The following COL11A1 variants were observed in gnomAD, a reference collection of about 807,000 sequenced individuals.
COL11A1 encodes the protein collagen alpha-1(XI) chain.
Under a neutral mutation model 265.2 loss-of-function variants are expected in COL11A1, and 74 were observed. That is an observed-to-expected ratio of 0.28 (90% confidence interval 0.23 to 0.34). The LOEUF (loss-of-function observed/expected upper bound fraction) is 0.34, where lower values mean the gene tolerates loss of function less well. Ranked by LOEUF, COL11A1 falls within the 10% of genes least tolerant of loss-of-function variation. The pLI is 1.00. For synonymous variants in COL11A1, 816 were observed against 727.6 expected (o/e 1.12, Z -1.96); for missense variants, 2,165 against 2,263.6 (o/e 0.96, Z 0.88).
At chr1:103,083,031 A>G in intron 1 of COL11A1, 59 bp from the exon 2 acceptor site, 1 of 1,505,030 alleles carries the variant, frequency 6.6e-7, no homozygotes, top group Non-Finnish European at 9.2e-7. Context: ...TATAACAATG[A>G]GTATTTTTAA....
At chr1:103,043,092 GAAAT>G (rs1023320693) in intron 4 of COL11A1, among the ~76,000 whole-genome samples, 47 of 143,164 alleles carry the variant, frequency 3.3e-4, no homozygotes, top group Admixed American at 3.1e-3. Flanking sequence ...TCATATATAT[GAAAT>G]ATATATAATG....
chr1:103,106,907 A>G (rs1211566482), intron 1 of COL11A1, among the ~76,000 whole-genome samples: 1 of 152,116 alleles, frequency 6.6e-6, no homozygotes, highest in African/African-American at 2.4e-5. Flanking sequence ...AAGCCTACGC[A>G]TTTGGGCTTG....
intron 4 of COL11A1, among the ~76,000 whole-genome samples, chr1:103,044,975 A>G (rs1476158164): frequency 6.6e-6 from 1 of 152,114 alleles, no homozygotes; most frequent in Non-Finnish European, 1.5e-5. Context: ...AGACACTGAG[A>G]CAGAGACACT....
intron 54 of COL11A1, among the ~76,000 whole-genome samples, chr1:102,901,244 C>T (rs775069174): frequency 8.0e-5 from 12 of 150,930 alleles, no homozygotes; most frequent in East Asian, 2.0e-4. Flanking sequence ...CGCTTGAACC[C>T]GGGAGGCAGA....
rs1205313289 is a variant in COL11A1 at position 102,883,129 on chromosome 1, T to C, written c.4971+70A>G. On this transcript the variant is annotated intron_variant, in intron 64 of 66. Transcript: ENST00000370096. ...TGAAAATATGACAGTATAATTTTCC[T>C]GTTTAGTTCAATATTGCAAAACATG... 6.5e-5 allele frequency: 63 copies of C among 965,178 alleles called. 1 individual carries two copies. Among genetic ancestry groups the C allele is most frequent in the Non-Finnish European group, 9.9e-5 (58 of 588,272 alleles). The allele number at this position is 965,178 out of a possible 1,614,324, so 59.8% of individuals were successfully genotyped here. A position where few individuals can be genotyped will look rare whatever the true frequency, so the allele number is the denominator to read the frequency against.
intron 21 of COL11A1, 104 bp downstream of exon 21, chr1:103,003,111 C>G: frequency 2.7e-6 from 3 of 1,127,890 alleles, no homozygotes; most frequent in Non-Finnish European, 4.0e-6. Flanking sequence ...TCAAACATAA[C>G]AAGGCAATAA....
intron 1 of COL11A1, among the ~76,000 whole-genome samples, chr1:103,105,683 T>C (rs898720906): frequency 6.6e-6 from 1 of 152,188 alleles, no homozygotes; most frequent in Non-Finnish European, 1.5e-5. Context: ...TATTTAGAAA[T>C]TGGTATAAAA....
chr1:103,020,248 C>G (rs1666920138), intron 9 of COL11A1, among the ~76,000 whole-genome samples: 3 of 144,124 alleles, frequency 2.1e-5, no homozygotes, highest in Admixed American at 7.0e-5. Flanking sequence ...TCTCCAGCAC[C>G]TGTTGTTTCC....
intron 14 of COL11A1, among the ~76,000 whole-genome samples, chr1:103,009,671 ATAC>A (rs1474166367): frequency 6.6e-6 from 1 of 152,200 alleles, no homozygotes; most frequent in African/African-American, 2.4e-5. Flanking sequence ...ATTCCATTAA[ATAC>A]TACATCGTAT....
At position 103,029,552 on chromosome 1, in the gene COL11A1, T is replaced by A. The variant is rs148730530; in HGVS notation, c.780+1564A>T. Among the ~76,000 whole-genome samples, 308 of 152,112 alleles carry A rather than the reference T, an allele frequency of 2.0e-3. 2 individuals carry two copies. The highest frequency in any genetic ancestry group is 3.4e-3 in the Admixed American group (52 of 15,268). On this transcript the variant is annotated intron_variant, in intron 5 of 66. Transcript: ENST00000370096. ...TAGAGAAAAAAGGGAAAGCTAATTCTTTCTTAAAGAAAAAACTTTTTCATT... is the reference window on the plus strand; with the variant it reads ...TAGAGAAAAAAGGGAAAGCTAATTCATTCTTAAAGAAAAAACTTTTTCATT...
intron 66 of COL11A1, among the ~76,000 whole-genome samples, chr1:102,878,503 T>TATATATATATA (rs1553191037): frequency 4.9e-4 from 62 of 127,262 alleles, no homozygotes; most frequent in South Asian, 7.7e-4. Flanking sequence ...TATATATATA[T>TATATATATATA]TCTTTTTCTT....
chr1:102,948,750 T>C (rs1659572925), intron 41 of COL11A1, among the ~76,000 whole-genome samples: 1 of 151,778 alleles, frequency 6.6e-6, no homozygotes, highest in Non-Finnish European at 1.5e-5. Flanking sequence ...CAATGTATTT[T>C]TTAATTTAAT....
chr1:102,978,574 C>G, intron 35 of COL11A1, 134 bp downstream of exon 35: 2 of 928,450 alleles, frequency 2.2e-6, no homozygotes, highest in Non-Finnish European at 3.4e-6. Flanking sequence ...AAAAAATAAG[C>G]GTTTTTAAAT....
At chr1:103,102,001 C>A (rs1485763628) in intron 1 of COL11A1, among the ~76,000 whole-genome samples, 2 of 151,948 alleles carry the variant, frequency 1.3e-5, no homozygotes. Context: ...GAACCACTAG[C>A]CAAGTTAGTA....
chr1:103,106,797 T>A (rs1454373473), intron 1 of COL11A1, among the ~76,000 whole-genome samples: 2 of 152,064 alleles, frequency 1.3e-5, no homozygotes, highest in Admixed American at 1.3e-4. Context: ...GTGGAAGGAA[T>A]AACCTGGTCT....
chr1:103,094,959 A>G lies in COL11A1; in HGVS notation c.107-11987T>C, dbSNP rs146115794. Among the ~76,000 whole-genome samples the G allele has an allele frequency of 8.5e-4, 130 of 152,156 alleles. No individual in the cohort carries two copies. The East Asian group carries it at 0.019, about 23-fold the overall frequency. On this transcript the variant is annotated intron_variant, in intron 1 of 66. Coordinates refer to ENST00000370096, the MANE Select transcript of COL11A1 (RefSeq NM_001854.4). Reference sequence around the variant, plus strand: ...CTGAATTTATCTTTGATTAAGGGCAATACTACTTTCTAGGTAGCCATCACC... The same window carrying G: ...CTGAATTTATCTTTGATTAAGGGCAGTACTACTTTCTAGGTAGCCATCACC...
At chr1:102,956,398 C>T (rs998629725) in intron 41 of COL11A1, among the ~76,000 whole-genome samples, 2 of 152,042 alleles carry the variant, frequency 1.3e-5, no homozygotes, top group African/African-American at 4.8e-5. Flanking sequence ...ATCAATATAA[C>T]TTCAGTTTAA....
chr1:102,914,834 A>AG (rs766727255), intron 50 of COL11A1, 23 bp from the exon 51 acceptor site: 110 of 1,555,568 alleles, frequency 7.1e-5, no homozygotes, highest in South Asian at 5.0e-4. Flanking sequence ...AAAAAAAAAA[A>AG]AAGAAGAAGA....
intron 4 of COL11A1, among the ~76,000 whole-genome samples, chr1:103,044,907 G>T (rs567645609): frequency 2.6e-5 from 4 of 152,160 alleles, no homozygotes; most frequent in Non-Finnish European, 4.4e-5. Flanking sequence ...GCGAATATAT[G>T]TCAGAAAGTA....
Sources: gnomAD v4.1 joint callset for allele counts (sites outside exome capture counted in the v4.1 genomes callset) on GRCh38, gnomAD v4.1.1 for gene constraint, MANE v1.5 for transcripts, NCBI Gene and HGNC (gene_info 2026-07-23, HGNC 2026-07-21) for gene names.